Variants in RYR2 observed in about 807,000 individuals in gnomAD.
RYR2 encodes cardiac muscle ryanodine receptor-calcium release channel.
A neutral mutation model predicts 601.1 loss-of-function variants in RYR2; 227 were observed. That is an observed-to-expected ratio of 0.38 (90% CI 0.34 to 0.42). The LOEUF is 0.42. Ranked by LOEUF, RYR2 falls within the 10% of genes least tolerant of loss-of-function variation. The pLI, the probability that RYR2 is intolerant of heterozygous loss-of-function variation, is 1.00. For missense variants in RYR2, 4,646 were observed against 6,156.5 expected, an observed-to-expected ratio of 0.75 and a Z score of 8.21; for synonymous variants, 2,223 against 2,175.1, an observed-to-expected ratio of 1.02 and a Z score of -0.61.
chr1:237,592,298 C>T (rs1385962205), intron 32 of RYR2, among the ~76,000 whole-genome samples: 1 of 152,108 alleles, frequency 6.6e-6, no homozygotes, highest in Non-Finnish European at 1.5e-5. Context: ...GTAGAGTGAT[C>T]CCATATTTGA....
At chr1:237,631,133 G>A (rs1315686064) in intron 41 of RYR2, among the ~76,000 whole-genome samples, 2 of 152,092 alleles carry the variant, frequency 1.3e-5, no homozygotes, top group African/African-American at 2.4e-5. Context: ...CACATGGTTG[G>A]ATATCCATAA....
chr1:237,382,814 A>C (rs897526515), intron 8 of RYR2, among the ~76,000 whole-genome samples: 1 of 152,064 alleles, frequency 6.6e-6, no homozygotes, highest in South Asian at 2.1e-4. Flanking sequence ...TTTTTGATTA[A>C]TTTGCTGTGA....
chr1:237,308,711 A>C (rs540938940), intron 2 of RYR2, among the ~76,000 whole-genome samples: 2 of 152,296 alleles, frequency 1.3e-5, no homozygotes, highest in South Asian at 2.1e-4. Context: ...AGCAGTGCAG[A>C]CCCAAAGAGT....
intron 76 of RYR2, among the ~76,000 whole-genome samples, 184 bp downstream of exon 76, chr1:237,727,383 T>A (rs1262778428): frequency 6.6e-6 from 1 of 152,184 alleles, no homozygotes; most frequent in Non-Finnish European, 1.5e-5. Flanking sequence ...TGGTCTTTAA[T>A]GTAATTATTA....
At chr1:237,627,623 C>G (rs544606951) in intron 40 of RYR2, among the ~76,000 whole-genome samples, 184 bp from the exon 41 acceptor site, 1 of 152,252 alleles carries the variant, frequency 6.6e-6, no homozygotes, top group East Asian at 1.9e-4. Flanking sequence ...ATGATTGTAA[C>G]TGATCTGTAT....
chr1:237,247,715 G>A (rs1687001441), intron 1 of RYR2, among the ~76,000 whole-genome samples: 1 of 152,098 alleles, frequency 6.6e-6, no homozygotes, highest in Non-Finnish European at 1.5e-5. Flanking sequence ...GAGTATTGAG[G>A]TACCAGGAGG....
intron 23 of RYR2, among the ~76,000 whole-genome samples, chr1:237,511,347 A>G (rs1324219691): frequency 6.7e-6 from 1 of 150,040 alleles, no homozygotes; most frequent in African/African-American, 2.4e-5. Context: ...TGTCCTAATT[A>G]GACAAGTGGG....
At chr1:237,711,527 A>G (rs530243713) in intron 70 of RYR2, among the ~76,000 whole-genome samples, 1 of 152,352 alleles carries the variant, frequency 6.6e-6, no homozygotes, top group Non-Finnish European at 1.5e-5. Flanking sequence ...TAGTTTTCCC[A>G]TCTTTGCAAT....
chr1:237,253,732 G>A (rs770820968), intron 1 of RYR2, among the ~76,000 whole-genome samples: 6 of 152,126 alleles, frequency 3.9e-5, no homozygotes, highest in Admixed American at 2.6e-4. Flanking sequence ...TGGTTCATCC[G>A]TTCATTTTCA....
chr1:237,610,667 T>C lies in RYR2; in HGVS notation c.4684-95T>C, dbSNP rs1677740504. On this transcript the variant is annotated intron_variant, in intron 35 of 104. Transcript: ENST00000366574. The surrounding 1 kb of genome is among the most constrained non-coding windows in gnomAD (Gnocchi z 4.9). Reference sequence around the variant, plus strand: ...CTTGACTCATAGGGTTATCTTACTTTCCCTGTCTCTGTCCTGTGCAGAATT... The same window carrying C: ...CTTGACTCATAGGGTTATCTTACTTCCCCTGTCTCTGTCCTGTGCAGAATT... The C allele has an allele frequency of 1.0e-6, 1 of 996,060 alleles. No homozygotes were observed. Among genetic ancestry groups the C allele is most frequent in the Admixed American group, 2.6e-5 (1 of 39,076 alleles). The allele number at this position is 996,060 out of a possible 1,614,324, so 61.7% of individuals were successfully genotyped here.
intron 73 of RYR2, among the ~76,000 whole-genome samples, chr1:237,720,693 C>T (rs2149113609): frequency 6.6e-6 from 1 of 152,280 alleles, no homozygotes; most frequent in East Asian, 1.9e-4. Flanking sequence ...CCAGGGGACC[C>T]TAGACCATAC....
At chr1:237,365,472 G>A (rs902192743) in intron 5 of RYR2, among the ~76,000 whole-genome samples, 6 of 152,154 alleles carry the variant, frequency 3.9e-5, no homozygotes, top group Admixed American at 2.6e-4. Flanking sequence ...CAACCAGGAC[G>A]TGGAACATCT....
rs138762720 is a variant in RYR2, at chr1:237,375,769, C to G, written c.463+974C>G. Among the ~76,000 whole-genome samples, 77 of 152,194 alleles carry G rather than the reference C, an allele frequency of 5.1e-4. 1 individual carries two copies. In the East Asian group the frequency reaches 0.012, roughly 24 times the overall value. On this transcript the variant is annotated intron_variant, in intron 7 of 104. Transcript: ENST00000366574. ...GTATTTTTGCTAGTTTTTTAGTTTT[C>G]TTATTCTAGTTAATGTATTTCAGCA...
intron 20 of RYR2, among the ~76,000 whole-genome samples, chr1:237,498,436 T>C (rs1379851034): frequency 1.3e-5 from 2 of 152,138 alleles, no homozygotes; most frequent in African/African-American, 4.8e-5. Flanking sequence ...GTCCATGTTA[T>C]AAAACATTTG....
At chr1:237,515,842 T>TCCCTCTTCTCCC (rs1666447432) in intron 24 of RYR2, among the ~76,000 whole-genome samples, 1 of 140,696 alleles carries the variant, frequency 7.1e-6, no homozygotes, top group Non-Finnish European at 1.6e-5. Flanking sequence ...CCTCTTCTCC[T>TCCCTCTTCTCCC]CCTCCCTCTT....
chr1:237,788,228 G>C, intron 92 of RYR2, 93 bp downstream of exon 92: 3 of 964,258 alleles, frequency 3.1e-6, no homozygotes, highest in Non-Finnish European at 4.6e-6. Flanking sequence ...TCCCTGAGTG[G>C]CAGTTAGGGA....
At chr1:237,801,726 G>A (rs923345869) in intron 97 of RYR2, 130 bp from the exon 98 acceptor site, 1 of 521,368 alleles carries the variant, frequency 1.9e-6, no homozygotes, top group African/African-American at 1.9e-5. Flanking sequence ...TGGCATCTGG[G>A]ATAGAACTCG....
At chr1:237,752,876 T>G (rs1692650726) in intron 80 of RYR2, among the ~76,000 whole-genome samples, 3 of 152,114 alleles carry the variant, frequency 2.0e-5, no homozygotes, top group Non-Finnish European at 4.4e-5. Context: ...ATTTAAGGAG[T>G]TTTGTTCCTG....
intron 80 of RYR2, among the ~76,000 whole-genome samples, chr1:237,744,474 G>A (rs906579512): frequency 6.6e-6 from 1 of 151,882 alleles, no homozygotes; most frequent in East Asian, 1.9e-4. Flanking sequence ...TGGCCAATGT[G>A]GTGAAACCTC....
Sources: allele counts gnomAD v4.1 joint callset (sites outside exome capture counted in the v4.1 genomes callset), GRCh38; gene constraint gnomAD v4.1.1; non-coding constraint Gnocchi (gnomAD v3.1); transcripts MANE v1.5; gene names NCBI Gene and HGNC (gene_info 2026-07-23, HGNC 2026-07-21).